The following PCDHA8 variants were observed in gnomAD, a reference collection of about 807,000 sequenced individuals.
The protein encoded by PCDHA8 is protocadherin alpha-8.
In PCDHA8, 53 loss-of-function variants were observed where a neutral mutation model predicts 61.8. That is an observed-to-expected ratio of 0.86 (90% CI 0.69 to 1.08). The LOEUF is 1.08. Ranked by LOEUF, PCDHA8 falls within the 50% of genes least tolerant of loss-of-function variation. The probability of loss-of-function intolerance (pLI) is 0.00; values close to 1 mark genes in which losing one functional copy is unlikely to be tolerated. For missense variants in PCDHA8, 1,293 were observed against 1,245.0 expected (o/e 1.04, Z -0.58); for synonymous variants, 618 against 556.6 (o/e 1.11, Z -1.55).
In PCDHA8 at chr5:140,857,043, A is replaced by T. The variant is rs201811819; in HGVS notation, c.2394+13328A>T. Reference sequence around the variant, plus strand: ...AAGGGAAACCCACCTATGGTTGGTCACTGCACGGTCCTAGTGGAACTACTG... The same window carrying T: ...AAGGGAAACCCACCTATGGTTGGTCTCTGCACGGTCCTAGTGGAACTACTG... On this transcript the variant is annotated intron_variant, in intron 1 of 3. Transcript: ENST00000531613. 81 of 1,595,818 alleles carry T rather than the reference A, an allele frequency of 5.1e-5. 4 individuals carry two copies. The highest frequency in any genetic ancestry group is 1.5e-5 in the Non-Finnish European group (18 of 1,165,582).
chr5:140,848,513 A>T, intron 1 of PCDHA8: 2 of 1,590,760 alleles, frequency 1.3e-6, no homozygotes, highest in Non-Finnish European at 1.7e-6. Context: ...ACTCAAGTCG[A>T]GGAGATCCAG....
chr5:140,899,674 T>A (rs2067476984), intron 1 of PCDHA8, among the ~76,000 whole-genome samples: 1 of 152,220 alleles, frequency 6.6e-6, no homozygotes, highest in African/African-American at 2.4e-5. Flanking sequence ...GGCTTTGGTA[T>A]CAGGATGATG....
intron 1 of PCDHA8, chr5:140,862,723 C>T: frequency 1.8e-6 from 1 of 568,234 alleles, no homozygotes; most frequent in East Asian, 4.8e-5. Flanking sequence ...CGAGTGCGCG[C>T]TGTCTAGCTA....
chr5:140,945,182 A>G (rs2093754559), intron 1 of PCDHA8, among the ~76,000 whole-genome samples: 1 of 152,174 alleles, frequency 6.6e-6, no homozygotes, highest in Non-Finnish European at 1.5e-5. Context: ...ATAAATCAAG[A>G]AAACCATGCT....
At position 140,858,014 on chromosome 5, in the gene PCDHA8, C is replaced by T. The variant is rs782738271; in HGVS notation, c.2394+14299C>T. 5 of 1,596,754 alleles carry T rather than the reference C, an allele frequency of 3.1e-6. No homozygotes were observed. Among genetic ancestry groups the T allele is most frequent in the African/African-American group, 1.3e-5 (1 of 74,296 alleles). ...GGTGCTGGTGAAGGACCATGGCGAG[C>T]CGTCGCTGACGGCCACGGCCACTGT... On this transcript the variant is annotated intron_variant, in intron 1 of 3. Coordinates refer to ENST00000531613, the MANE Select transcript of PCDHA8 (RefSeq NM_018911.3).
At chr5:140,880,281 C>T (rs2058294062) in intron 1 of PCDHA8, among the ~76,000 whole-genome samples, 2 of 152,074 alleles carry the variant, frequency 1.3e-5, no homozygotes. Flanking sequence ...AGAAGTTTGA[C>T]TATCTTCATA....
chr5:140,905,948 G>A (rs2072228532), intron 1 of PCDHA8, among the ~76,000 whole-genome samples: 3 of 152,180 alleles, frequency 2.0e-5, no homozygotes, highest in Non-Finnish European at 4.4e-5. Flanking sequence ...CTTGGAATCC[G>A]ATGTTCAAGG....
rs553859456 is a variant in PCDHA8 at position 140,938,056 on chromosome 5, A to G, written c.2395-40893A>G. Among the ~76,000 whole-genome samples, 1,107 of 152,294 alleles carry G rather than the reference A, an allele frequency of 7.3e-3. 4 individuals carry two copies. Among genetic ancestry groups the G allele is most frequent in the Admixed American group, 0.012 (189 of 15,304 alleles). ...TTTATATTTTGGGTTTTCTACATATACTGTCATGCTATTCCCAAATAATGT... is the reference window on the plus strand; with the variant it reads ...TTTATATTTTGGGTTTTCTACATATGCTGTCATGCTATTCCCAAATAATGT... On this transcript the variant is annotated intron_variant, in intron 1 of 3. Coordinates refer to ENST00000531613, the MANE Select transcript of PCDHA8 (RefSeq NM_018911.3).
intron 1 of PCDHA8, among the ~76,000 whole-genome samples, chr5:140,897,014 A>G (rs545411496): frequency 1.3e-3 from 202 of 152,284 alleles, no homozygotes; most frequent in Non-Finnish European, 2.0e-3. Context: ...TAAATATACA[A>G]CTAAATTATT....
At chr5:141,008,356 A>G (rs1440951671) in intron 3 of PCDHA8, among the ~76,000 whole-genome samples, 1 of 152,204 alleles carries the variant, frequency 6.6e-6, no homozygotes, top group Non-Finnish European at 1.5e-5. Context: ...CGTGTCAACC[A>G]AAGGAGCAGT....
At chr5:140,885,349 AG>A (rs2060568168) in intron 1 of PCDHA8, among the ~76,000 whole-genome samples, 1 of 152,206 alleles carries the variant, frequency 6.6e-6, no homozygotes, top group African/African-American at 2.4e-5. Context: ...GATTTCCAAA[AG>A]GTACTGGTGA....
At chr5:140,897,694 G>A (rs1091552) in intron 1 of PCDHA8, among the ~76,000 whole-genome samples, 2,266 of 152,206 alleles carry the variant, frequency 0.015, 53 homozygotes, top group African/African-American at 0.052. Context: ...AGTCCTTTGG[G>A]CATATACCCA....
intron 1 of PCDHA8, among the ~76,000 whole-genome samples, chr5:140,936,730 T>C (rs2091111568): frequency 6.6e-6 from 1 of 152,258 alleles, no homozygotes; most frequent in Non-Finnish European, 1.5e-5. Flanking sequence ...GTGTTAAATA[T>C]AGTAACTTTT....
At chr5:140,998,014 C>T (rs1554256135) in intron 3 of PCDHA8, among the ~76,000 whole-genome samples, 1 of 152,162 alleles carries the variant, frequency 6.6e-6, no homozygotes, top group Non-Finnish European at 1.5e-5. Context: ...TCCATCCCCA[C>T]CTCGAGCTAG....
At chr5:140,935,638 T>G (rs1452378093) in intron 1 of PCDHA8, among the ~76,000 whole-genome samples, 2 of 152,214 alleles carry the variant, frequency 1.3e-5, no homozygotes, top group Admixed American at 6.5e-5. Context: ...TAGGGCTTGC[T>G]TTTTAAATTT....
intron 1 of PCDHA8, among the ~76,000 whole-genome samples, chr5:140,919,229 C>T (rs1163633473): frequency 1.1e-4 from 17 of 152,144 alleles, no homozygotes; most frequent in African/African-American, 3.9e-4. Flanking sequence ...TTTCTAGTAA[C>T]ACTTTTTGTC....
chr5:140,926,889 G>A, intron 1 of PCDHA8: 1 of 1,545,026 alleles, frequency 6.5e-7, no homozygotes, highest in Non-Finnish European at 8.7e-7. Context: ...CGCCTAGAGG[G>A]AGGATGGTGG....
intron 1 of PCDHA8, chr5:140,854,477 T>C (rs1479298342): frequency 1.3e-5 from 2 of 149,980 alleles, no homozygotes; most frequent in African/African-American, 2.4e-5. Flanking sequence ...TAGAGAAGTA[T>C]AGAAACAGAA....
chr5:140,937,648 CACGCCTGTAATCCCAGCACT>C (rs1554211703), intron 1 of PCDHA8, among the ~76,000 whole-genome samples: 3 of 150,626 alleles, frequency 2.0e-5, no homozygotes, highest in South Asian at 4.2e-4. Flanking sequence ...CATGGTGGCT[CACGCCTGTAATCCCAGCACT>C]TTGGGAGGCT....
Sources: allele counts gnomAD v4.1 joint callset (sites outside exome capture counted in the v4.1 genomes callset), GRCh38; gene constraint gnomAD v4.1.1; transcripts MANE v1.5; gene names NCBI Gene and HGNC (gene_info 2026-07-23, HGNC 2026-07-21).